The following RASSF9 variants were observed in gnomAD, a reference collection of about 807,000 sequenced individuals.
The protein encoded by RASSF9 is ras association domain-containing protein 9.
Under a neutral mutation model 21.4 loss-of-function variants are expected in RASSF9, and 18 were observed. The ratio of observed to expected loss-of-function variants is 0.84; its 90% CI spans 0.58 to 1.25. RASSF9 has a LOEUF of 1.25. RASSF9 is among the 50% of genes most tolerant of loss of function. The probability of loss-of-function intolerance (pLI) is 0.00; values close to 1 mark genes in which losing one functional copy is unlikely to be tolerated. For missense variants in RASSF9, 480 were observed against 503.2 expected (o/e 0.95, Z 0.44); for synonymous variants, 183 against 179.1 (o/e 1.02, Z -0.18).
chr12:85,805,498 A>G lies in RASSF9; in HGVS notation c.512T>C (p.Ile171Thr), dbSNP rs764507677. 1 of 1,613,950 alleles carries G rather than the reference A, an allele frequency of 6.2e-7. No individual in the cohort carries two copies. Among genetic ancestry groups the G allele is most frequent in the South Asian group, 1.1e-5 (1 of 91,080 alleles). ...ATCATGAGAAACTGTGTCCTGCTTA[A>G]TTTTAGCCAGTTTCCGGAAAGTTTT... ...VRKTFRKLAK[I>T]KQDTVSHDRD... Residue 171 changes from isoleucine to threonine, a missense_variant, in exon 2 of 2, where the codon ATT becomes ACT. Transcript: ENST00000361228.
chr12:85,820,065 T>C (rs1273423381), intron 1 of RASSF9, among the ~76,000 whole-genome samples: 1 of 152,216 alleles, frequency 6.6e-6, no homozygotes, highest in Non-Finnish European at 1.5e-5. Flanking sequence ...CTATAGCCCT[T>C]TGATCACATG....
chr12:85,833,390 C>G (rs79949145), intron 1 of RASSF9, among the ~76,000 whole-genome samples: 2 of 151,896 alleles, frequency 1.3e-5, no homozygotes, highest in Non-Finnish European at 2.9e-5. Context: ...GGTGTCTAGA[C>G]AGATATGACC....
chr12:85,807,964 A>G (rs561477670), intron 1 of RASSF9, among the ~76,000 whole-genome samples: 7 of 152,140 alleles, frequency 4.6e-5, no homozygotes, highest in Non-Finnish European at 1.0e-4. Context: ...AACAGTTTTG[A>G]GTAGTAATTG....
chr12:85,828,422 T>C (rs1880380059), intron 1 of RASSF9, among the ~76,000 whole-genome samples: 1 of 152,144 alleles, frequency 6.6e-6, no homozygotes, highest in African/African-American at 2.4e-5. Context: ...TACCCTGATG[T>C]GATTATTATG....
chr12:85,805,814 C>T lies in RASSF9; in HGVS notation c.196G>A (p.Glu66Lys), dbSNP rs375931531. 2.5e-6 allele frequency: 4 copies of T among 1,613,840 alleles called. No homozygotes were observed. The highest frequency in any genetic ancestry group is 2.7e-5 in the African/African-American group (2 of 74,932). ...LLEEHEATFG[E>K]KRFLLGKPSD... ...GGCTTCCCCAGAAGAAATCGTTTCT[C>T]TCCAAACGTAGCCTCATGTTCCTCA... is the stretch of plus-strand genomic sequence containing the variant. Residue 66 changes from glutamate (E) to lysine (K), a missense_variant, in exon 2 of 2, where the codon GAG (glutamate) becomes AAG (lysine). Coordinates refer to ENST00000361228, the MANE Select transcript of RASSF9 (RefSeq NM_005447.4).
intron 1 of RASSF9, among the ~76,000 whole-genome samples, 179 bp downstream of exon 1, chr12:85,835,976 A>G (rs1254386564): frequency 6.6e-6 from 1 of 152,044 alleles, no homozygotes; most frequent in African/African-American, 2.4e-5. Flanking sequence ...TATCCTTACT[A>G]TCTAGGTATT....
intron 1 of RASSF9, among the ~76,000 whole-genome samples, chr12:85,828,111 A>G (rs1416958678): frequency 6.6e-6 from 1 of 152,116 alleles, no homozygotes; most frequent in Non-Finnish European, 1.5e-5. Context: ...AAGCTCCTTA[A>G]AAACCTAATC....
chr12:85,819,502 T>C (rs953522214), intron 1 of RASSF9, among the ~76,000 whole-genome samples: 4 of 152,238 alleles, frequency 2.6e-5, no homozygotes, highest in African/African-American at 9.6e-5. Flanking sequence ...GAACACTTAC[T>C]ATGTGCTATG....
Position 85,804,172 on chromosome 12 carries a change from T to G in RASSF9, c.*530A>C. On this transcript the variant is annotated 3_prime_UTR_variant, in exon 2 of 2. Coordinates refer to ENST00000361228, the MANE Select transcript of RASSF9 (RefSeq NM_005447.4). Reference sequence around the variant, plus strand: ...TCATAGGCCTCAACAGGTAGAAGGGTTCAGGAAGTGATATACATGATACGT... The same window carrying G: ...TCATAGGCCTCAACAGGTAGAAGGGGTCAGGAAGTGATATACATGATACGT... 6.5e-6 allele frequency: 1 copy of G among 152,710 alleles called. No homozygotes were observed. The highest frequency in any genetic ancestry group is 6.5e-5 in the Admixed American group (1 of 15,330). The allele number at this position is 152,710 out of a possible 1,614,324, so 9.5% of individuals were successfully genotyped here. A position where few individuals can be genotyped will look rare whatever the true frequency, so the allele number is the denominator to read the frequency against.
chr12:85,813,398 A>T (rs1057501870), intron 1 of RASSF9, among the ~76,000 whole-genome samples: 1 of 152,010 alleles, frequency 6.6e-6, no homozygotes, highest in African/African-American at 2.4e-5. Context: ...AATCAAATAT[A>T]CTTTGAAAAT....
At chr12:85,832,431 C>A (rs977366893) in intron 1 of RASSF9, among the ~76,000 whole-genome samples, 7 of 151,784 alleles carry the variant, frequency 4.6e-5, no homozygotes, top group African/African-American at 7.2e-5. Flanking sequence ...GTTATCTGAA[C>A]TTTTACAAAA....
rs751440143 is a variant in RASSF9, at chr12:85,804,996, G to T, written c.1014C>A (p.Gly338=). ...CACTGTATTTAATCTCTTTCTGGAT[G>T]CCACTCAAATGAGAGTGAATTTTCA... ...AGLKIHSHLS[G]IQKEIKYSDS... The change falls in exon 2 of 2, where the codon GGC becomes GGA. Residue 338 remains glycine (G), a synonymous_variant. Transcript: ENST00000361228. The T allele has an allele frequency of 1.7e-5, 28 of 1,613,664 alleles. No homozygotes were observed. The highest frequency in any genetic ancestry group is 2.4e-5 in the Non-Finnish European group (28 of 1,179,732).
At chr12:85,809,637 A>G (rs189380757) in intron 1 of RASSF9, among the ~76,000 whole-genome samples, 102 of 151,872 alleles carry the variant, frequency 6.7e-4, no homozygotes, top group African/African-American at 2.4e-3. Context: ...GAAACTGAGC[A>G]TATATTCATT....
intron 1 of RASSF9, among the ~76,000 whole-genome samples, chr12:85,823,093 G>T (rs926469392): frequency 1.3e-5 from 2 of 151,840 alleles, no homozygotes; most frequent in African/African-American, 2.4e-5. Context: ...CCAGCTACTC[G>T]GGAGGCTGAG....
chr12:85,825,497 T>C (rs1188472836), intron 1 of RASSF9, among the ~76,000 whole-genome samples: 1 of 152,188 alleles, frequency 6.6e-6, no homozygotes, highest in African/African-American at 2.4e-5. Context: ...ATAAAAGTTT[T>C]ATTGAAACAC....
chr12:85,831,386 A>G (rs1400136773), intron 1 of RASSF9, among the ~76,000 whole-genome samples: 1 of 152,052 alleles, frequency 6.6e-6, no homozygotes, highest in Non-Finnish European at 1.5e-5. Flanking sequence ...TGTGTCAGGC[A>G]CTGACACTGT....
At chr12:85,829,652 T>C (rs1032934552) in intron 1 of RASSF9, among the ~76,000 whole-genome samples, 4 of 152,098 alleles carry the variant, frequency 2.6e-5, no homozygotes, top group African/African-American at 9.7e-5. Flanking sequence ...TGTTCAAGCC[T>C]GTTGCCTGTG....
At position 85,808,205 on chromosome 12, in the gene RASSF9, T is replaced by TA. The variant is rs540754297; in HGVS notation, c.48-2244dup. On this transcript the variant is annotated intron_variant, in intron 1 of 1. Transcript: ENST00000361228. ...ACTTTGGTTATTGACTCACATGAAG[T>TA]AAAAAAGTTATTACTAAAGGTGAAA... Among the ~76,000 whole-genome samples, 361 of 152,100 alleles carry TA rather than the reference T, an allele frequency of 2.4e-3. 3 individuals are homozygous for TA. The highest frequency in any genetic ancestry group is 8.2e-3 in the African/African-American group (340 of 41,530).
At chr12:85,808,836 G>A (rs79755862) in intron 1 of RASSF9, among the ~76,000 whole-genome samples, 3,728 of 151,960 alleles carry the variant, frequency 0.025, 166 homozygotes, top group African/African-American at 0.085. Context: ...AAATTAAATA[G>A]TGGTCATAAT....
Sources: allele counts gnomAD v4.1 joint callset (sites outside exome capture counted in the v4.1 genomes callset), GRCh38; gene constraint gnomAD v4.1.1; transcripts MANE v1.5; gene names NCBI Gene and HGNC (gene_info 2026-07-23, HGNC 2026-07-21).